Variants in POLD2 observed in about 807,000 individuals in gnomAD.
POLD2 encodes the protein DNA polymerase delta 2, accessory subunit, also known as DNA polymerase delta subunit 2.
In POLD2, 31 loss-of-function variants were observed where a neutral mutation model predicts 48.8. The observed-to-expected ratio is 0.64, with a 90% CI of 0.48 to 0.86. POLD2 has a LOEUF of 0.86. POLD2 is among the 40% of genes least tolerant of loss of function. The pLI is 0.00. For missense variants in POLD2, 455 were observed against 610.1 expected (o/e 0.75, Z 2.68); for synonymous variants, 233 against 256.3 (o/e 0.91, Z 0.87).
intron 3 of POLD2, 27 bp downstream of exon 3, chr7:44,117,916 G>T: frequency 6.2e-7 from 1 of 1,610,372 alleles, no homozygotes; most frequent in Non-Finnish European, 8.5e-7. Context: ...CTGCCTGGCG[G>T]CCCCACTGTG....
Position 44,116,592 on chromosome 7 carries a change from G to A in POLD2, c.781-82C>T. The A allele has an allele frequency of 8.3e-7, 1 of 1,202,530 alleles. No individual in the cohort carries two copies. The highest frequency in any genetic ancestry group is 1.3e-5 in the South Asian group (1 of 76,654). 74.5% of individuals were successfully genotyped at this position (1,202,530 alleles called of 1,614,324 possible). A position where few individuals can be genotyped will look rare whatever the true frequency, so the allele number is the denominator to read the frequency against. On this transcript the variant is annotated intron_variant, in intron 6 of 10. Transcript: ENST00000610533. The surrounding 1 kb of genome is among the most constrained non-coding windows in gnomAD (Gnocchi z 6.1). The stretch of plus-strand genomic sequence containing the variant: ...AGTAGAGCCCCACCAGCTGGAAGAT[G>A]CAGTTGTTGTCCCATAGACCCTCAC...
rs1325455040 is a variant in POLD2, at chr7:44,116,349, C to T, written c.862-77G>A. 1.1e-5 allele frequency: 18 copies of T among 1,598,402 alleles called. No individual in the cohort carries two copies. The highest frequency in any genetic ancestry group is 1.5e-5 in the Non-Finnish European group (18 of 1,169,788). On this transcript the variant is annotated intron_variant, in intron 7 of 10. Transcript: ENST00000610533. This position sits in a 1 kb window ranked among gnomAD's most constrained non-coding sequence, Gnocchi z 6.1. Reference sequence around the variant, plus strand: ...CACCAACTCCGGCCACTCCCCCTGCCCTCCTGCCTGCCTTCTGTTGCCCAG... The same window carrying T: ...CACCAACTCCGGCCACTCCCCCTGCTCTCCTGCCTGCCTTCTGTTGCCCAG...
rs1320985561 is a variant in POLD2, at chr7:44,116,553, C to T, written c.781-43G>A. On this transcript the variant is annotated intron_variant, in intron 6 of 10. Coordinates refer to ENST00000610533, the MANE Select transcript of POLD2 (RefSeq NM_006230.4). This position sits in a 1 kb window ranked among gnomAD's most constrained non-coding sequence, Gnocchi z 6.1. ...AAGGCCATCAGGCCCAGGCGAGTCC[C>T]AGGCTCAGAGGAGAGTAGAGCCCCA... 6.8e-7 allele frequency: 1 copy of T among 1,471,630 alleles called. No homozygotes were observed. The highest frequency in any genetic ancestry group is 9.3e-7 in the Non-Finnish European group (1 of 1,074,336). 91.2% of individuals were successfully genotyped at this position (1,471,630 alleles called of 1,614,324 possible).
In POLD2 at chr7:44,116,812, C is replaced by A. The variant is rs370786395; in HGVS notation, c.780+5G>T. 3.7e-6 allele frequency: 6 copies of A among 1,613,320 alleles called. No homozygotes were observed. The African/African-American group carries it at 8.0e-5, about 22-fold the overall frequency. On this transcript the variant is annotated splice_donor_5th_base_variant and intron_variant, in intron 6 of 10. Transcript: ENST00000610533. This position sits in a 1 kb window ranked among gnomAD's most constrained non-coding sequence, Gnocchi z 6.1. The stretch of plus-strand genomic sequence containing the variant: ...GGGCTGAATGCAGCCAGGTGGGCTC[C>A]ATACCTTATTGATAGAATCCCTGCT...
intron 2 of POLD2, among the ~76,000 whole-genome samples, chr7:44,120,196 A>G (rs1242216668): frequency 6.6e-6 from 1 of 152,186 alleles, no homozygotes; most frequent in African/African-American, 2.4e-5. Context: ...CTATCAACAC[A>G]TTCACTGTGG....
In POLD2 at chr7:44,116,303, G is replaced by C. The variant is rs3087365; in HGVS notation, c.862-31C>G. On this transcript the variant is annotated intron_variant, in intron 7 of 10. Coordinates refer to ENST00000610533, the MANE Select transcript of POLD2 (RefSeq NM_006230.4). The surrounding 1 kb of genome is among the most constrained non-coding windows in gnomAD (Gnocchi z 6.1). Reference sequence around the variant, plus strand: ...AGGCACAGGGCAGGGAGAGCTCACAGGGCCCCGAAGGAGCCCCCTACACCA... The same window carrying C: ...AGGCACAGGGCAGGGAGAGCTCACACGGCCCCGAAGGAGCCCCCTACACCA... The C allele has an allele frequency of 3.8e-4, 611 of 1,596,454 alleles. 1 individual carries two copies. In the African/African-American group the frequency reaches 5.9e-3, roughly 15 times the overall value.
In POLD2 at chr7:44,121,939, AG is replaced by A; in HGVS notation, c.114del (p.Phe39SerfsTer3). ...CTAAAGCTGCGCTCTCCTAGCCGGA[AG>A]GGTTGTGAGGAGTTGGTGTAGGTTG... ...PVATYTNSSQ[P>X]FRLGERSFSR... On this transcript the variant is annotated frameshift_variant, in exon 2 of 11. Coordinates refer to ENST00000610533, the MANE Select transcript of POLD2 (RefSeq NM_006230.4). LOFTEE classifies it high-confidence loss of function. This position sits in a 1 kb window ranked among gnomAD's most constrained non-coding sequence, Gnocchi z 4.5. 1 of 1,613,904 alleles carries A rather than the reference AG, an allele frequency of 6.2e-7. No individual in the cohort carries two copies. The highest frequency in any genetic ancestry group is 1.3e-5 in the African/African-American group (1 of 75,038).
At chr7:44,120,947 C>T (rs2096247396) in intron 2 of POLD2, among the ~76,000 whole-genome samples, 1 of 152,162 alleles carries the variant, frequency 6.6e-6, no homozygotes, top group Non-Finnish European at 1.5e-5. Context: ...CAGGGTTCTC[C>T]TGCCTGCCTA....
In POLD2 at chr7:44,122,113, C is replaced by G. The variant is rs779409910; in HGVS notation, c.-56-4G>C. 8 of 1,581,386 alleles carry G rather than the reference C, an allele frequency of 5.1e-6. No homozygotes were observed. The Admixed American group carries it at 1.0e-4, about 21-fold the overall frequency. On this transcript the variant is annotated splice_region_variant and splice_polypyrimidine_tract_variant and intron_variant, in intron 1 of 10. Transcript: ENST00000610533. ...TCGCCCAGGCCAAGGAGGTTCACTG[C>G]GAAAACACAAAGGCATTCCTGCTGC...
At position 44,114,709 on chromosome 7, in the gene POLD2, T is replaced by C. The variant is rs2096235262; in HGVS notation, c.*76A>G. ...GGCTCGCATCAGCAAGTGCTCAGGC[T>C]TTATTTACAATGCCGACACTGCAGG... On this transcript the variant is annotated 3_prime_UTR_variant, in exon 11 of 11. Transcript: ENST00000610533. 22 of 1,466,750 alleles carry C rather than the reference T, an allele frequency of 1.5e-5. No individual in the cohort carries two copies. Among genetic ancestry groups the C allele is most frequent in the Non-Finnish European group, 2.0e-5 (22 of 1,076,548 alleles). 90.9% of individuals were successfully genotyped at this position (1,466,750 alleles called of 1,614,324 possible).
chr7:44,121,554 T>C lies in POLD2; in HGVS notation c.220+280A>G, dbSNP rs1379191711. On this transcript the variant is annotated intron_variant, in intron 2 of 10. Transcript: ENST00000610533. This position sits in a 1 kb window ranked among gnomAD's most constrained non-coding sequence, Gnocchi z 4.5. ...ATACCTGAATAATCTGCACTGAAGATAGGAAAACCATTTTCCTCTGCCAGT... is the reference window on the plus strand; with the variant it reads ...ATACCTGAATAATCTGCACTGAAGACAGGAAAACCATTTTCCTCTGCCAGT... Among the ~76,000 whole-genome samples the C allele has an allele frequency of 3.9e-5, 6 of 152,334 alleles. No individual in the cohort carries two copies. The highest frequency in any genetic ancestry group is 7.2e-5 in the African/African-American group (3 of 41,574).
chr7:44,123,502 C>A lies in POLD2; in HGVS notation c.-57+9G>T. ...CCCAGCTGACCCCGTTTCCCTGGAC[C>A]CCACTCACCGCGCGGCGCGCCGCAT... On this transcript the variant is annotated intron_variant, in intron 1 of 10. Transcript: ENST00000610533. 10 of 1,490,108 alleles carry A rather than the reference C, an allele frequency of 6.7e-6. No homozygotes were observed. Among genetic ancestry groups the A allele is most frequent in the Non-Finnish European group, 8.9e-6 (10 of 1,127,708 alleles). The allele number at this position is 1,490,108 out of a possible 1,614,324, so 92.3% of individuals were successfully genotyped here.
At position 44,116,879 on chromosome 7, in the gene POLD2, G is replaced by A. The variant is rs1292765859; in HGVS notation, c.718C>T (p.Arg240Trp). ...GEQCSAAHVS[R>W]VILAGNLLSH... Reference sequence around the variant, plus strand: ...AGGAGGTTGCCAGCGAGGATAACCCGGGAGACGTGGGCGGCGCTGCACTGC... The same window carrying A: ...AGGAGGTTGCCAGCGAGGATAACCCAGGAGACGTGGGCGGCGCTGCACTGC... The change falls in exon 6 of 11, where the codon CGG (arginine) becomes TGG (tryptophan). Residue 240 changes from arginine (R) to tryptophan (W), a missense_variant. Coordinates refer to ENST00000610533, the MANE Select transcript of POLD2 (RefSeq NM_006230.4). This position sits in a 1 kb window ranked among gnomAD's most constrained non-coding sequence, Gnocchi z 6.1. 3.7e-6 allele frequency: 6 copies of A among 1,613,972 alleles called. No individual in the cohort carries two copies. Among genetic ancestry groups the A allele is most frequent in the African/African-American group, 1.3e-5 (1 of 75,012 alleles).
chr7:44,123,363 T>C, intron 1 of POLD2, 148 bp downstream of exon 1: 1 of 1,408,714 alleles, frequency 7.1e-7, no homozygotes, highest in Non-Finnish European at 9.2e-7. Flanking sequence ...CCCTGGGGGC[T>C]GTCCCAGTCA....
rs2096248380 is a variant in POLD2, at chr7:44,121,721, T to G, written c.220+113A>C. ...AACTGAGGGAAAAAGAGGTTAATTT[T>G]CCCAAGGTAACAGGAAGTGGGATCA... On this transcript the variant is annotated intron_variant, in intron 2 of 10. Coordinates refer to ENST00000610533, the MANE Select transcript of POLD2 (RefSeq NM_006230.4). This position sits in a 1 kb window ranked among gnomAD's most constrained non-coding sequence, Gnocchi z 4.5. 1.9e-6 allele frequency: 2 copies of G among 1,051,604 alleles called. No individual in the cohort carries two copies. The highest frequency in any genetic ancestry group is 2.7e-6 in the Non-Finnish European group (2 of 735,288). The allele number at this position is 1,051,604 out of a possible 1,614,324, so 65.1% of individuals were successfully genotyped here.
chr7:44,114,690 C>A lies in POLD2; in HGVS notation c.*95G>T, dbSNP rs961254666. ...CAGAGTGCCCAGGGCTCAAGGCTCG[C>A]ATCAGCAAGTGCTCAGGCTTTATTT... is the stretch of plus-strand genomic sequence containing the variant. On this transcript the variant is annotated 3_prime_UTR_variant, in exon 11 of 11. Coordinates refer to ENST00000610533, the MANE Select transcript of POLD2 (RefSeq NM_006230.4). 6 of 1,329,574 alleles carry A rather than the reference C, an allele frequency of 4.5e-6. No individual in the cohort carries two copies. The East Asian group carries it at 9.6e-5, about 21-fold the overall frequency. The allele number at this position is 1,329,574 out of a possible 1,614,324, so 82.4% of individuals were successfully genotyped here. A position where few individuals can be genotyped will look rare whatever the true frequency, so the allele number is the denominator to read the frequency against.
upstream of POLD2, chr7:44,123,661 C>T: frequency 1.4e-6 from 2 of 1,380,146 alleles, no homozygotes; most frequent in East Asian, 3.1e-5. Flanking sequence ...CTCATCCCGC[C>T]GACCACTGTG....
chr7:44,114,844 T>C lies in POLD2; in HGVS notation c.1351A>G (p.Ser451Gly). Residue 451 changes from serine (S) to glycine (G), a missense_variant, in exon 11 of 11, where the codon AGC becomes GGC. This residue lies in a region of POLD2 where 98 missense variants were observed against 138.6 expected (regional missense o/e 0.71). Transcript: ENST00000610533. ...TCCTCTGCCCCGAAGCCCGAGAAGCTGATGGGCTGGCAGGCCAGGCTGCGC... is the reference window on the plus strand; with the variant it reads ...TCCTCTGCCCCGAAGCCCGAGAAGCCGATGGGCTGGCAGGCCAGGCTGCGC... The part of the protein sequence containing the change: ...NLRSLACQPI[S>G]FSGFGAEDDD... The C allele has an allele frequency of 6.2e-7, 1 of 1,613,994 alleles. No homozygotes were observed. Among genetic ancestry groups the C allele is most frequent in the Non-Finnish European group, 8.5e-7 (1 of 1,179,898 alleles).
chr7:44,123,508 C>A lies in POLD2; in HGVS notation c.-57+3G>T. 6.7e-7 allele frequency: 1 copy of A among 1,486,634 alleles called. No homozygotes were observed. Among genetic ancestry groups the A allele is most frequent in the Non-Finnish European group, 8.9e-7 (1 of 1,126,172 alleles). 92.1% of individuals were successfully genotyped at this position (1,486,634 alleles called of 1,614,324 possible). A position where few individuals can be genotyped will look rare whatever the true frequency, so the allele number is the denominator to read the frequency against. On this transcript the variant is annotated splice_donor_region_variant and intron_variant, in intron 1 of 10. Transcript: ENST00000610533. ...TGACCCCGTTTCCCTGGACCCCACT[C>A]ACCGCGCGGCGCGCCGCATCCCGCC...
Sources: gnomAD v4.1 joint callset for allele counts (sites outside exome capture counted in the v4.1 genomes callset) on GRCh38, gnomAD v4.1.1 for gene constraint, gnomAD v4.1.1 regional missense constraint, Gnocchi (gnomAD v3.1) non-coding constraint, MANE v1.5 for transcripts, NCBI Gene and HGNC (gene_info 2026-07-23, HGNC 2026-07-21) for gene names.